JAK2: variants seen among roughly 807,000 people sequenced by gnomAD.
JAK2 encodes the protein Janus kinase 2, also known as tyrosine-protein kinase JAK2.
In JAK2, 86 loss-of-function variants were observed where a neutral mutation model predicts 139.3. That is an observed-to-expected ratio of 0.62 (90% confidence interval 0.52 to 0.74). The LOEUF (loss-of-function observed/expected upper bound fraction) is 0.74. Ranked by LOEUF, JAK2 falls within the 30% of genes least tolerant of loss-of-function variation. The pLI is 0.00. For synonymous variants in JAK2, 490 were observed against 437.7 expected, an observed-to-expected ratio of 1.12 and a Z score of -1.49; for missense variants, 1,421 against 1,360.3, an observed-to-expected ratio of 1.04 and a Z score of -0.70.
At chr9:5,058,108 T>C (rs924453498) in intron 8 of JAK2, among the ~76,000 whole-genome samples, 10 of 152,212 alleles carry the variant, frequency 6.6e-5, no homozygotes, top group Admixed American at 3.9e-4. Context: ...TTCAGGTCAC[T>C]TTTTTACTTT....
intron 4 of JAK2, among the ~76,000 whole-genome samples, chr9:5,042,441 C>G (rs968317921): frequency 1.3e-5 from 2 of 152,132 alleles, no homozygotes; most frequent in African/African-American, 2.4e-5. Flanking sequence ...CCGGCCAAGA[C>G]TGGCCAAAAT....
At position 5,054,954 on chromosome 9, in the gene JAK2, T is replaced by C. The variant is rs1002170111; in HGVS notation, c.936+70T>C. ...AATGGAAATAAAAACAAAGTAATTTTAATCATTTGCAACATGGTATTGCAC... is the reference window on the plus strand; with the variant it reads ...AATGGAAATAAAAACAAAGTAATTTCAATCATTTGCAACATGGTATTGCAC... On this transcript the variant is annotated intron_variant, in intron 7 of 24. Transcript: ENST00000381652. This position sits in a 1 kb window ranked among gnomAD's most constrained non-coding sequence, Gnocchi z 4.9. The C allele has an allele frequency of 5.4e-5, 64 of 1,192,690 alleles. No homozygotes were observed. In the East Asian group the frequency reaches 7.3e-4, roughly 14 times the overall value. The allele number at this position is 1,192,690 out of a possible 1,614,324, so 73.9% of individuals were successfully genotyped here.
intron 8 of JAK2, among the ~76,000 whole-genome samples, chr9:5,062,630 G>T (rs1586725007): frequency 6.6e-6 from 1 of 151,524 alleles, no homozygotes; most frequent in Admixed American, 6.6e-5. Context: ...CTAGTTCAAA[G>T]GGTATGAATA....
chr9:5,058,163 A>C (rs1438258878), intron 8 of JAK2, among the ~76,000 whole-genome samples: 1 of 152,194 alleles, frequency 6.6e-6, no homozygotes, highest in East Asian at 1.9e-4. Context: ...GTGTACAAAT[A>C]TCTCTTGAAA....
At chr9:5,085,707 G>T (rs1027737449) in intron 19 of JAK2, 2 of 749,072 alleles carry the variant, frequency 2.7e-6, no homozygotes, top group Non-Finnish European at 5.0e-6. Context: ...AACAAGACTA[G>T]CAGTGTGGAT....
At chr9:5,013,600 C>T (rs1821848805) in intron 2 of JAK2, among the ~76,000 whole-genome samples, 1 of 152,142 alleles carries the variant, frequency 6.6e-6, no homozygotes, top group Non-Finnish European at 1.5e-5. Context: ...TTCCTCTTTC[C>T]ATGTTTTGCA....
intron 2 of JAK2, among the ~76,000 whole-genome samples, chr9:4,986,313 A>C (rs1819947221): frequency 6.6e-6 from 1 of 152,228 alleles, no homozygotes; most frequent in Non-Finnish European, 1.5e-5. Flanking sequence ...AAGCAGCCAG[A>C]GATTCTTAAT....
chr9:5,015,632 C>T (rs1490232455), intron 2 of JAK2, among the ~76,000 whole-genome samples: 2 of 151,660 alleles, frequency 1.3e-5, no homozygotes, highest in Non-Finnish European at 2.9e-5. Context: ...CCTCGGTCTC[C>T]TGGGCTCAAG....
intron 2 of JAK2, among the ~76,000 whole-genome samples, chr9:5,019,369 G>C (rs987343296): frequency 2.0e-5 from 3 of 151,708 alleles, no homozygotes; most frequent in Admixed American, 1.3e-4. Context: ...TCAGTTTCAG[G>C]GTTTCTTGTT....
intron 22 of JAK2, among the ~76,000 whole-genome samples, chr9:5,113,143 A>T (rs1822786767): frequency 7.3e-6 from 1 of 136,612 alleles, no homozygotes; most frequent in South Asian, 2.5e-4. Context: ...GACCTGCCCC[A>T]TGGACCCTGA....
Position 5,090,632 on chromosome 9 carries a change from AATC to A in JAK2, c.2886+66_2886+68del, listed in dbSNP as rs1476298472. 25 of 1,529,338 alleles carry A rather than the reference AATC, an allele frequency of 1.6e-5. No individual in the cohort carries two copies. The South Asian group carries it at 2.1e-4, about 13-fold the overall frequency. The allele number at this position is 1,529,338 out of a possible 1,614,324, so 94.7% of individuals were successfully genotyped here. A position where few individuals can be genotyped will look rare whatever the true frequency, so the allele number is the denominator to read the frequency against. Reference sequence around the variant, plus strand: ...AACCGTGTTGAAGTAGACATTAGGAAATCATCTAGACGTTTTCATAGATAATAA... The same window carrying A: ...AACCGTGTTGAAGTAGACATTAGGAAATCTAGACGTTTTCATAGATAATAA... On this transcript the variant is annotated intron_variant, in intron 21 of 24. Coordinates refer to ENST00000381652, the MANE Select transcript of JAK2 (RefSeq NM_004972.4).
At position 5,128,168 on chromosome 9, in the gene JAK2, A is replaced by C. The variant is rs1387036858; in HGVS notation, c.*1377A>C. 1 of 231,948 alleles carries C rather than the reference A, an allele frequency of 4.3e-6. No individual in the cohort carries two copies. The highest frequency in any genetic ancestry group is 6.0e-5 in the East Asian group (1 of 16,596). The allele number at this position is 231,948 out of a possible 1,614,324, so 14.4% of individuals were successfully genotyped here. On this transcript the variant is annotated 3_prime_UTR_variant, in exon 25 of 25. Transcript: ENST00000381652. ...ACTTGCTGTTTTGATTAAAAAGAAA[A>C]TAGTTTCTTACTTTATTTTTACTGG...
intron 8 of JAK2, among the ~76,000 whole-genome samples, chr9:5,062,500 TA>T (rs58424625): frequency 2.7e-3 from 155 of 58,182 alleles, no homozygotes; most frequent in Middle Eastern, 8.2e-3. Context: ...CTTCCATTTG[TA>T]AAAAAAAAAA....
At chr9:5,101,992 TCTC>T (rs1475080436) in intron 22 of JAK2, among the ~76,000 whole-genome samples, 1 of 152,016 alleles carries the variant, frequency 6.6e-6, no homozygotes, top group Non-Finnish European at 1.5e-5. Flanking sequence ...GAGGGCCTCT[TCTC>T]CTCCAAAGGA....
At position 5,090,805 on chromosome 9, in the gene JAK2, G is replaced by C. The variant is rs1820516524; in HGVS notation, c.2953G>C (p.Glu985Gln). 1.2e-6 allele frequency: 2 copies of C among 1,613,414 alleles called. No individual in the cohort carries two copies. Among genetic ancestry groups the C allele is most frequent in the African/African-American group, 2.7e-5 (2 of 74,890 alleles). ...RDLATRNILV[E>Q]NENRVKIGDF... ...TCTGGCAACGAGAAATATATTGGTG[G>C]AGAACGAGAACAGAGTTAAAATTGG... The change falls in exon 22 of 25, where the codon GAG becomes CAG. Residue 985 changes from glutamate (E) to glutamine (Q), a missense_variant. Physicochemically the swap from Glu to Gln is conservative, Grantham distance 29. Coordinates refer to ENST00000381652, the MANE Select transcript of JAK2 (RefSeq NM_004972.4).
Position 5,127,486 on chromosome 9 carries a change from G to C in JAK2, c.*695G>C, listed in dbSNP as rs1290311995. 1 of 230,972 alleles carries C rather than the reference G, an allele frequency of 4.3e-6. No homozygotes were observed. The highest frequency in any genetic ancestry group is 8.6e-6 in the Non-Finnish European group (1 of 116,338). 14.3% of individuals were successfully genotyped at this position (230,972 alleles called of 1,614,324 possible). On this transcript the variant is annotated 3_prime_UTR_variant, in exon 25 of 25. Coordinates refer to ENST00000381652, the MANE Select transcript of JAK2 (RefSeq NM_004972.4). ...TCCCTGACCCTAAATAATACATTTT[G>C]AAATGAAACAAGCTTACAAAGATAT...
chr9:5,017,050 C>T (rs2130022703), intron 2 of JAK2, among the ~76,000 whole-genome samples: 1 of 152,244 alleles, frequency 6.6e-6, no homozygotes, highest in Non-Finnish European at 1.5e-5. Context: ...GCTGCTAATG[C>T]AAACAAGTTT....
intron 4 of JAK2, chr9:5,041,445 G>C (rs1367492742): frequency 4.9e-6 from 3 of 616,466 alleles, no homozygotes; most frequent in Non-Finnish European, 9.3e-6. Context: ...CTGTGCAGCA[G>C]CCTCCCCTGG....
intron 4 of JAK2, among the ~76,000 whole-genome samples, chr9:5,032,498 G>C (rs1005859030): frequency 6.6e-6 from 1 of 152,242 alleles, no homozygotes; most frequent in African/African-American, 2.4e-5. Context: ...GCACCCCCAA[G>C]TAGGGGGAGA....
Sources: allele counts gnomAD v4.1 joint callset (sites outside exome capture counted in the v4.1 genomes callset), GRCh38; gene constraint gnomAD v4.1.1; non-coding constraint Gnocchi (gnomAD v3.1); transcripts MANE v1.5; gene names NCBI Gene and HGNC (gene_info 2026-07-23, HGNC 2026-07-21).